The following SHANK2 variants were observed in gnomAD, a reference collection of about 807,000 sequenced individuals.
SHANK2 encodes SH3 and multiple ankyrin repeat domains 2.
SHANK2 carries 43 observed loss-of-function variants against 133.7 expected under a neutral mutation model. The observed-to-expected ratio is 0.32, with a 90% CI of 0.25 to 0.41. The LOEUF is 0.41. SHANK2 is among the 10% of genes least tolerant of loss of function. SHANK2 has a pLI of 1.00. For missense variants in SHANK2, 1,994 were observed against 2,235.8 expected (o/e 0.89, Z 2.18); for synonymous variants, 1,017 against 952.8 (o/e 1.07, Z -1.24).
intron 14 of SHANK2, among the ~76,000 whole-genome samples, chr11:70,714,601 G>C (rs1945869015): frequency 6.6e-6 from 1 of 152,114 alleles, no homozygotes; most frequent in South Asian, 2.1e-4. Context: ...GAGACTCCAC[G>C]AGAGGACTCG....
At chr11:70,710,493 C>T (rs2134579152) in intron 14 of SHANK2, among the ~76,000 whole-genome samples, 1 of 152,342 alleles carries the variant, frequency 6.6e-6, no homozygotes, top group South Asian at 2.1e-4. Context: ...ACTGACAATG[C>T]CCCCTAGACC....
At chr11:71,244,496 T>C (rs1195818734) in intron 1 of SHANK2, among the ~76,000 whole-genome samples, 1 of 152,206 alleles carries the variant, frequency 6.6e-6, no homozygotes, top group Non-Finnish European at 1.5e-5. Context: ...GAGAGATCTA[T>C]GAAGTCAAAC....
intron 17 of SHANK2, among the ~76,000 whole-genome samples, chr11:70,584,773 C>T (rs1432246457): frequency 6.6e-6 from 1 of 152,212 alleles, no homozygotes; most frequent in Non-Finnish European, 1.5e-5. Context: ...AGCAGCTGTC[C>T]CCCTGATCCG....
At position 71,073,165 on chromosome 11, in the gene SHANK2, C is replaced by CT. The variant is rs1297535726; in HGVS notation, c.1029+1993dup. ...TTCTTTTCTTTTTTTTCTTTTTTTT[C>CT]TTTTTTTTTTTGAGATAGAGTCTTG... On this transcript the variant is annotated intron_variant, in intron 9 of 25. Transcript: ENST00000601538. Among the ~76,000 whole-genome samples, 32 of 40,316 alleles carry CT rather than the reference C, an allele frequency of 7.9e-4. 1 individual carries two copies. Among genetic ancestry groups the CT allele is most frequent in the African/African-American group, 1.7e-3 (30 of 17,604 alleles). The allele number at this position is 40,316 out of a possible 152,430, so 26.4% of individuals were successfully genotyped here.
chr11:70,831,726 C>G (rs1041837195), intron 11 of SHANK2, among the ~76,000 whole-genome samples: 5 of 152,258 alleles, frequency 3.3e-5, no homozygotes, highest in Non-Finnish European at 7.3e-5. Flanking sequence ...GGACGCCGTA[C>G]CAGGTGTTAT....
At chr11:70,552,980 C>G (rs1054760064) in intron 17 of SHANK2, among the ~76,000 whole-genome samples, 11 of 152,138 alleles carry the variant, frequency 7.2e-5, no homozygotes, top group Admixed American at 1.3e-4. Context: ...GGCCGCCTTC[C>G]CCCGTGTCCT....
chr11:70,910,866 A>G (rs2135722449), intron 10 of SHANK2: 1 of 415,406 alleles, frequency 2.4e-6, no homozygotes, highest in South Asian at 1.7e-5. Flanking sequence ...GCCAAACTGG[A>G]TAACACAATT....
rs2060017238 is a variant in SHANK2, at chr11:70,569,559, C to T, written c.2062-66628G>A. On this transcript the variant is annotated intron_variant, in intron 17 of 25. Coordinates refer to ENST00000601538, the MANE Select transcript of SHANK2 (RefSeq NM_012309.5). This position sits in a 1 kb window ranked among gnomAD's most constrained non-coding sequence, Gnocchi z 5.1. Reference sequence around the variant, plus strand: ...ATCTTACCTCTGCTGGTGCCGCAGCCCTCTCCTTTCTGTGGCCCCTCCCCA... The same window carrying T: ...ATCTTACCTCTGCTGGTGCCGCAGCTCTCTCCTTTCTGTGGCCCCTCCCCA... Among the ~76,000 whole-genome samples the T allele has an allele frequency of 6.6e-6, 1 of 152,096 alleles. No individual in the cohort carries two copies. The highest frequency in any genetic ancestry group is 1.5e-5 in the Non-Finnish European group (1 of 68,012).
Position 70,479,569 on chromosome 11 carries a change from G to C in SHANK2, c.4979+5745C>G, listed in dbSNP as rs927541696. 6.6e-6 allele frequency among the ~76,000 whole-genome samples: 1 copy of C among 152,162 alleles called. No individual in the cohort carries two copies. The highest frequency in any genetic ancestry group is 2.4e-5 in the African/African-American group (1 of 41,446). On this transcript the variant is annotated intron_variant, in intron 25 of 25. Transcript: ENST00000601538. This position sits in a 1 kb window ranked among gnomAD's most constrained non-coding sequence, Gnocchi z 4.4. ...CCATGGGGAAGCGAAGGCCAATCTC[G>C]AGGTCCCTTCTGGACCCCACCCACT... is the stretch of plus-strand genomic sequence containing the variant.
intron 13 of SHANK2, among the ~76,000 whole-genome samples, chr11:70,802,106 G>T (rs544973792): frequency 6.6e-6 from 1 of 152,184 alleles, no homozygotes; most frequent in Admixed American, 6.5e-5. Context: ...CATGAGGACC[G>T]GGAGAGGGGC....
intron 8 of SHANK2, among the ~76,000 whole-genome samples, chr11:71,091,980 C>A (rs1386976035): frequency 6.6e-6 from 1 of 152,230 alleles, no homozygotes; most frequent in African/African-American, 2.4e-5. Context: ...CAAGGTTGGG[C>A]CTGAAAAACA....
intron 9 of SHANK2, among the ~76,000 whole-genome samples, chr11:71,072,657 C>G (rs967975841): frequency 7.2e-5 from 11 of 152,110 alleles, no homozygotes; most frequent in African/African-American, 2.7e-4. Flanking sequence ...GACAGATGTC[C>G]ACGCACATGA....
chr11:70,805,642 C>A (rs1948141236), intron 13 of SHANK2, among the ~76,000 whole-genome samples: 1 of 152,144 alleles, frequency 6.6e-6, no homozygotes, highest in Admixed American at 6.5e-5. Context: ...ATTACACCAA[C>A]CTACAGTGTT....
intron 14 of SHANK2, among the ~76,000 whole-genome samples, chr11:70,755,677 G>A (rs1005947142): frequency 1.3e-5 from 2 of 152,146 alleles, no homozygotes; most frequent in African/African-American, 2.4e-5. Flanking sequence ...GGCCGCCCTC[G>A]GCTCCGCACC....
At chr11:70,605,956 C>T (rs192126580) in intron 17 of SHANK2, among the ~76,000 whole-genome samples, 3 of 152,120 alleles carry the variant, frequency 2.0e-5, no homozygotes, top group South Asian at 2.1e-4. Context: ...ATTCCCCCCC[C>T]TCCTTGGGGT....
chr11:70,827,904 G>A (rs1408082744), intron 11 of SHANK2, among the ~76,000 whole-genome samples: 2 of 152,090 alleles, frequency 1.3e-5, no homozygotes, highest in African/African-American at 4.8e-5. Context: ...GGCATGCCTC[G>A]GTGAGGGCCT....
At chr11:70,815,951 C>T (rs1320866119) in intron 12 of SHANK2, among the ~76,000 whole-genome samples, 2 of 152,214 alleles carry the variant, frequency 1.3e-5, no homozygotes, top group South Asian at 2.1e-4. Flanking sequence ...CCAGGACAGT[C>T]GGCCTCCTCC....
intron 3 of SHANK2, among the ~76,000 whole-genome samples, chr11:71,135,182 C>T (rs7105616): frequency 0.13 from 19,347 of 152,112 alleles, 3,212 homozygotes; most frequent in African/African-American, 0.39. Flanking sequence ...AGGCTCTGTA[C>T]AGCCATTGGC....
intron 4 of SHANK2, among the ~76,000 whole-genome samples, chr11:71,115,455 C>T (rs1377875059): frequency 6.6e-5 from 10 of 152,084 alleles, no homozygotes; most frequent in African/African-American, 1.9e-4. Context: ...GATGACAGAG[C>T]GAGACTCGGT....
Sources: gnomAD v4.1 joint callset for allele counts (sites outside exome capture counted in the v4.1 genomes callset) on GRCh38, gnomAD v4.1.1 for gene constraint, Gnocchi (gnomAD v3.1) non-coding constraint, MANE v1.5 for transcripts, NCBI Gene and HGNC (gene_info 2026-07-23, HGNC 2026-07-21) for gene names.